TENM2: variants seen among roughly 807,000 people sequenced by gnomAD.
TENM2 encodes teneurin-2.
Under a neutral mutation model 245.2 loss-of-function variants are expected in TENM2, and 52 were observed. That is an observed-to-expected ratio of 0.21 (90% CI 0.17 to 0.27). The LOEUF (loss-of-function observed/expected upper bound fraction) is 0.27. Among genes scored for constraint, TENM2 ranks in the 10% least tolerant of loss-of-function variants. The pLI, the probability that TENM2 is intolerant of heterozygous loss-of-function variation, is 1.00. For synonymous variants in TENM2, 1,363 were observed against 1,438.9 expected (o/e 0.95, Z 1.19); for missense variants, 3,046 against 3,666.8 (o/e 0.83, Z 4.37).
chr5:167,964,640 C>T (rs956431850), intron 4 of TENM2, among the ~76,000 whole-genome samples: 9 of 152,112 alleles, frequency 5.9e-5, no homozygotes, highest in African/African-American at 9.7e-5. Flanking sequence ...GTGCCACAGA[C>T]GGCTGAAGAA....
At position 168,247,949 on chromosome 5, in the gene TENM2, A is replaced by G. The variant is rs771769900; in HGVS notation, c.7010A>G (p.Asn2337Ser). 6.2e-5 allele frequency: 100 copies of G among 1,613,796 alleles called. No homozygotes were observed. Among genetic ancestry groups the G allele is most frequent in the Non-Finnish European group, 8.0e-5 (94 of 1,179,890 alleles). ...CCGACGCGCATCACCCATGTCTACA[A>G]TCACTCCAACTCGGAGATTACCTCA... The change falls in exon 27 of 29, where the codon AAT becomes AGT. Residue 2337 changes from asparagine to serine, a missense_variant. Asn to Ser is a conservative substitution (Grantham distance 46, BLOSUM62 1). Around this residue, in one of 2 missense-constraint regions of TENM2, gnomAD observed 2,704 missense variants for 3,331.9 expected, o/e 0.81. Coordinates refer to ENST00000518659, the Ensembl canonical transcript of TENM2. The surrounding 1 kb of genome is among the most constrained non-coding windows in gnomAD (Gnocchi z 7.8).
the TENM2 span, among the ~76,000 whole-genome samples, chr5:167,004,509 A>G: frequency 6.6e-6 from 1 of 152,202 alleles, no homozygotes; most frequent in Non-Finnish European, 1.5e-5. Flanking sequence ...CAGAAAGAAA[A>G]CACAGTTGAA....
intron 1 of TENM2, among the ~76,000 whole-genome samples, chr5:167,341,031 A>G (rs533327436): frequency 6.6e-6 from 1 of 151,636 alleles, no homozygotes; most frequent in Non-Finnish European, 1.5e-5. Context: ...GAATGGAGGC[A>G]GTTCTGCTGA....
At chr5:168,121,495 C>G (rs1038772217) in intron 10 of TENM2, among the ~76,000 whole-genome samples, 34 of 152,196 alleles carry the variant, frequency 2.2e-4, no homozygotes, top group African/African-American at 8.2e-4. Flanking sequence ...ACTGGTATCA[C>G]TGACCAGAGA....
chr5:168,139,215 A>G (rs955049963), intron 12 of TENM2, among the ~76,000 whole-genome samples: 6 of 152,376 alleles, frequency 3.9e-5, no homozygotes, highest in Non-Finnish European at 7.3e-5. Flanking sequence ...ATAAGTGTTA[A>G]TATCTTCCAC....
intron 2 of TENM2, among the ~76,000 whole-genome samples, chr5:167,389,249 A>AAT (rs61126047): frequency 0.014 from 2,048 of 146,880 alleles, 12 homozygotes; most frequent in South Asian, 0.031. Context: ...GTGCATTTAA[A>AAT]ATATATATAT....
chr5:167,803,408 G>T (rs775370243), intron 2 of TENM2, among the ~76,000 whole-genome samples: 2 of 152,078 alleles, frequency 1.3e-5, no homozygotes, highest in African/African-American at 2.4e-5. Context: ...ACTGAGCCAG[G>T]GAGAAGAGAG....
At chr5:167,824,353 A>G (rs1478753399) in intron 2 of TENM2, among the ~76,000 whole-genome samples, 1 of 152,252 alleles carries the variant, frequency 6.6e-6, no homozygotes, top group African/African-American at 2.4e-5. Flanking sequence ...CATTGTCTTC[A>G]GTGCCATGAG....
the TENM2 span, among the ~76,000 whole-genome samples, chr5:167,082,278 T>TTTTA: frequency 9.9e-5 from 15 of 152,144 alleles, no homozygotes; most frequent in Admixed American, 2.6e-4. Context: ...TTGTATTTCA[T>TTTTA]TTTATTTATT....
the TENM2 span, among the ~76,000 whole-genome samples, chr5:167,173,638 T>C: frequency 2.0e-5 from 3 of 152,116 alleles, no homozygotes; most frequent in African/African-American, 7.2e-5. Context: ...GAAGACTTGC[T>C]ACTTACCATT....
chr5:167,420,174 C>T lies in TENM2; in HGVS notation c.502+44701C>T, dbSNP rs147261872. Among the ~76,000 whole-genome samples the T allele has an allele frequency of 1.4e-4, 22 of 152,140 alleles. No homozygotes were observed. In the South Asian group the frequency reaches 2.9e-3, roughly 20 times the overall value. On this transcript the variant is annotated intron_variant, in intron 2 of 28. Transcript: ENST00000518659. Reference sequence around the variant, plus strand: ...GTTTGCAACTTGGAAAGCACGTGTCCGTGAAAAGTGGAGAGCTTATTGTTA... The same window carrying T: ...GTTTGCAACTTGGAAAGCACGTGTCTGTGAAAAGTGGAGAGCTTATTGTTA...
intron 2 of TENM2, among the ~76,000 whole-genome samples, chr5:167,421,011 CAA>C (rs1460476556): frequency 1.3e-5 from 2 of 152,116 alleles, no homozygotes; most frequent in Non-Finnish European, 2.9e-5. Context: ...TAATTGGAGA[CAA>C]GAGGACTTTA....
At chr5:167,070,666 G>C in the TENM2 span, among the ~76,000 whole-genome samples, 1 of 151,888 alleles carries the variant, frequency 6.6e-6, no homozygotes, top group African/African-American at 2.4e-5. Flanking sequence ...GGAATCCAAG[G>C]AACACAGAGG....
At chr5:167,698,168 C>T (rs1368162117) in intron 2 of TENM2, among the ~76,000 whole-genome samples, 1 of 152,182 alleles carries the variant, frequency 6.6e-6, no homozygotes, top group Non-Finnish European at 1.5e-5. Flanking sequence ...GTAACTTGAG[C>T]TCTTTTCCTT....
chr5:166,999,221 C>A, the TENM2 span, among the ~76,000 whole-genome samples: 1 of 151,962 alleles, frequency 6.6e-6, no homozygotes. Flanking sequence ...TAGTGAGATG[C>A]GGATGGATAT....
chr5:167,273,975 C>G, the TENM2 span, among the ~76,000 whole-genome samples: 3 of 152,008 alleles, frequency 2.0e-5, no homozygotes, highest in Non-Finnish European at 4.4e-5. Context: ...ACAGAGATAT[C>G]CAATGGGCAA....
chr5:167,563,285 T>G (rs1305321378), intron 2 of TENM2, among the ~76,000 whole-genome samples: 1 of 152,206 alleles, frequency 6.6e-6, no homozygotes, highest in African/African-American at 2.4e-5. Flanking sequence ...GAGAGTCTCC[T>G]TTTCTTCCCT....
the TENM2 span, among the ~76,000 whole-genome samples, chr5:167,268,901 GAT>G: frequency 6.6e-6 from 1 of 150,844 alleles, no homozygotes; most frequent in Non-Finnish European, 1.5e-5. Context: ...TAGATAGATA[GAT>G]AGATAGATAG....
At chr5:166,988,306 G>GA in the TENM2 span, among the ~76,000 whole-genome samples, 31 of 150,908 alleles carry the variant, frequency 2.1e-4, no homozygotes, top group African/African-American at 6.8e-4. Context: ...GCAATGGCTG[G>GA]AAAAAAAAAG....
Sources: allele counts gnomAD v4.1 joint callset (sites outside exome capture counted in the v4.1 genomes callset), GRCh38; gene constraint gnomAD v4.1.1; regional missense constraint gnomAD v4.1.1; non-coding constraint Gnocchi (gnomAD v3.1); transcripts MANE v1.5; gene names NCBI Gene and HGNC (gene_info 2026-07-23, HGNC 2026-07-21).